Variants in CHEK2 observed in about 807,000 individuals in gnomAD.
The protein encoded by CHEK2 is serine/threonine-protein kinase Chk2.
Under a neutral mutation model 69.1 loss-of-function variants are expected in CHEK2, and 71 were observed. That is an observed-to-expected ratio of 1.03 (90% CI 0.85 to 1.25). CHEK2 has a LOEUF of 1.25. Ranked by LOEUF, CHEK2 falls within the 50% of genes most tolerant of loss-of-function variation. The pLI, the probability that CHEK2 is intolerant of heterozygous loss-of-function variation, is 0.00. For missense variants in CHEK2, 664 were observed against 649.6 expected (o/e 1.02, Z -0.24); for synonymous variants, 189 against 226.9 (o/e 0.83, Z 1.50).
chr22:28,723,461 G>A (rs1359740024), intron 4 of CHEK2, among the ~76,000 whole-genome samples: 2 of 151,956 alleles, frequency 1.3e-5, no homozygotes, highest in Admixed American at 1.3e-4. Context: ...AGGTGGGCGT[G>A]GTGGCGGGCG....
At chr22:28,731,463 G>A (rs2054213799) in intron 2 of CHEK2, among the ~76,000 whole-genome samples, 1 of 152,018 alleles carries the variant, frequency 6.6e-6, no homozygotes, top group South Asian at 2.1e-4. Flanking sequence ...AGCCACGGTG[G>A]TGGGCACCTG....
At chr22:28,695,563 G>T in intron 11 of CHEK2, 147 bp downstream of exon 11, 1 of 738,082 alleles carries the variant, frequency 1.4e-6, no homozygotes, top group Non-Finnish European at 2.4e-6. Flanking sequence ...AGGCTGAGGT[G>T]GGAGGATCAC....
At chr22:28,708,369 G>GTGTGTGTC (rs1555919281) in intron 7 of CHEK2, among the ~76,000 whole-genome samples, 1 of 148,552 alleles carries the variant, frequency 6.7e-6, no homozygotes, top group Non-Finnish European at 1.5e-5. Flanking sequence ...AAATATGTGT[G>GTGTGTGTC]TGTGTGTGTG....
chr22:28,736,490 C>G (rs2054408667), intron 1 of CHEK2, among the ~76,000 whole-genome samples: 1 of 152,220 alleles, frequency 6.6e-6, no homozygotes, highest in African/African-American at 2.4e-5. Context: ...TCCACCTATC[C>G]CTTTGTGATG....
intron 5 of CHEK2, among the ~76,000 whole-genome samples, chr22:28,713,136 T>C (rs750641350): frequency 6.6e-6 from 1 of 152,234 alleles, no homozygotes; most frequent in Admixed American, 6.5e-5. Context: ...GCCATAACAT[T>C]TGTGGTACTT....
At chr22:28,739,528 A>G (rs1164804932) in intron 1 of CHEK2, among the ~76,000 whole-genome samples, 1 of 151,822 alleles carries the variant, frequency 6.6e-6, no homozygotes, top group East Asian at 1.9e-4. Context: ...GTCTCCACTA[A>G]AAATATGAAA....
At chr22:28,693,047 T>G (rs1348160192) in intron 13 of CHEK2, among the ~76,000 whole-genome samples, 1 of 152,088 alleles carries the variant, frequency 6.6e-6, no homozygotes, top group African/African-American at 2.4e-5. Context: ...AATTACCCAG[T>G]CTTGGGCAGT....
rs774192195 is a variant in CHEK2, at chr22:28,734,610, T to C, written c.112A>G (p.Ile38Val). 3 of 1,613,782 alleles carry C rather than the reference T, an allele frequency of 1.9e-6. No homozygotes were observed. The highest frequency in any genetic ancestry group is 1.7e-5 in the Admixed American group (1 of 59,956). Reference protein sequence around the residue: ...SQGSSSQSQGISSSSTSTMPN... With the variant: ...SQGSSSQSQGVSSSSTSTMPN... ...ATCGTGCTGGTAGAGGAGCTGGATATGCCCTGGGACTGTGAGGAGGAGCCT... is the reference window on the plus strand; with the variant it reads ...ATCGTGCTGGTAGAGGAGCTGGATACGCCCTGGGACTGTGAGGAGGAGCCT... The change falls in exon 2 of 15, where the codon ATA becomes GTA. Residue 38 changes from isoleucine (I) to valine (V), a missense_variant. Ile to Val is a conservative substitution (Grantham distance 29). Coordinates refer to ENST00000404276, the MANE Select transcript of CHEK2 (RefSeq NM_007194.4).
In CHEK2 at chr22:28,712,033, A is replaced by G. The variant is rs1056041546; in HGVS notation, c.684-16T>C. 6.4e-6 allele frequency: 10 copies of G among 1,568,242 alleles called. No homozygotes were observed. The highest frequency in any genetic ancestry group is 8.8e-6 in the Non-Finnish European group (10 of 1,138,848). ...ACAGGCACCACTAGAGGGAAAAACA[A>G]AGATAGTGATTGTCTGAATGTTTTT... On this transcript the variant is annotated splice_polypyrimidine_tract_variant and intron_variant, in intron 5 of 14. Coordinates refer to ENST00000404276, the MANE Select transcript of CHEK2 (RefSeq NM_007194.4).
At chr22:28,714,930 G>A (rs1235704700) in intron 5 of CHEK2, among the ~76,000 whole-genome samples, 4 of 152,090 alleles carry the variant, frequency 2.6e-5, no homozygotes, top group African/African-American at 4.8e-5. Flanking sequence ...CCCCAAGTCC[G>A]TGCAGCTCTA....
chr22:28,721,580 C>G (rs1263704959), intron 4 of CHEK2: 1 of 459,904 alleles, frequency 2.2e-6, no homozygotes. Context: ...AGCCACCGCG[C>G]CCCGCCGTAT....
Position 28,710,377 on chromosome 22 carries a change from T to C in CHEK2, c.793-318A>G, listed in dbSNP as rs1195626777. On this transcript the variant is annotated intron_variant, in intron 6 of 14. Coordinates refer to ENST00000404276, the MANE Select transcript of CHEK2 (RefSeq NM_007194.4). ...CCAAGGCTCAGAAAACAGAAGCCAC[T>C]TGCCCTAGTCTCCACAGTCAGAAAC... Among the ~76,000 whole-genome samples, 3 of 152,328 alleles carry C rather than the reference T, an allele frequency of 2.0e-5. No homozygotes were observed. In the South Asian group the frequency reaches 6.2e-4, roughly 32 times the overall value.
intron 2 of CHEK2, among the ~76,000 whole-genome samples, chr22:28,729,079 C>T (rs192074614): frequency 2.0e-5 from 3 of 152,238 alleles, no homozygotes; most frequent in East Asian, 1.9e-4. Context: ...AAATTCGGAA[C>T]GGAACACTGT....
intron 1 of CHEK2, among the ~76,000 whole-genome samples, chr22:28,740,915 G>A (rs962901235): frequency 6.6e-6 from 1 of 152,036 alleles, no homozygotes; most frequent in Non-Finnish European, 1.5e-5. Context: ...CAGCACTTTG[G>A]GAGGCCAAGG....
At chr22:28,706,298 T>TCACACACA (rs113795955) in intron 7 of CHEK2, among the ~76,000 whole-genome samples, 1 of 147,880 alleles carries the variant, frequency 6.8e-6, no homozygotes, top group Non-Finnish European at 1.5e-5. Flanking sequence ...ACACTCCAGC[T>TCACACACA]CACACACACA....
intron 2 of CHEK2, among the ~76,000 whole-genome samples, chr22:28,730,878 T>G (rs1342865850): frequency 1.3e-5 from 2 of 151,688 alleles, no homozygotes; most frequent in African/African-American, 4.8e-5. Flanking sequence ...AAATAAAACT[T>G]AAAATGAATA....
intron 13 of CHEK2, among the ~76,000 whole-genome samples, chr22:28,691,881 C>T (rs1257054597): frequency 2.6e-5 from 4 of 152,162 alleles, no homozygotes; most frequent in Non-Finnish European, 4.4e-5. Context: ...CAGCGACAGA[C>T]CCACAAAACC....
At chr22:28,720,403 A>G (rs2053733516) in intron 4 of CHEK2, among the ~76,000 whole-genome samples, 1 of 152,024 alleles carries the variant, frequency 6.6e-6, no homozygotes, top group Non-Finnish European at 1.5e-5. Flanking sequence ...AAAAAAAAAA[A>G]GTAAAACAAC....
chr22:28,710,966 G>C (rs781203266), intron 6 of CHEK2, among the ~76,000 whole-genome samples: 26 of 152,084 alleles, frequency 1.7e-4, no homozygotes, highest in Non-Finnish European at 3.4e-4. Context: ...AGAATCATAG[G>C]GGAAAAGATC....
Sources: allele counts gnomAD v4.1 joint callset (sites outside exome capture counted in the v4.1 genomes callset), GRCh38; gene constraint gnomAD v4.1.1; transcripts MANE v1.5; gene names NCBI Gene and HGNC (gene_info 2026-07-23, HGNC 2026-07-21).